KICS2: variants seen among roughly 807,000 people sequenced by gnomAD.
The protein encoded by KICS2 is KICSTOR complex protein C12orf66.
Under a neutral mutation model 31.4 loss-of-function variants are expected in KICS2, and 13 were observed. The ratio of observed to expected loss-of-function variants is 0.41; its 90% CI spans 0.27 to 0.66. The LOEUF (loss-of-function observed/expected upper bound fraction) is 0.66, where lower values mean the gene tolerates loss of function less well. KICS2 is among the 30% of genes least tolerant of loss of function. The pLI, the probability that KICS2 is intolerant of heterozygous loss-of-function variation, is 0.28. For synonymous variants in KICS2, 209 were observed against 214.8 expected, an observed-to-expected ratio of 0.97 and a Z score of 0.24; for missense variants, 455 against 545.4, an observed-to-expected ratio of 0.83 and a Z score of 1.65.
Position 64,194,257 on chromosome 12 carries a change from T to G in KICS2, c.923A>C (p.Tyr308Ser). The G allele has an allele frequency of 6.2e-7, 1 of 1,614,228 alleles. No homozygotes were observed. The highest frequency in any genetic ancestry group is 1.7e-5 in the Admixed American group (1 of 60,024). ...AATTAAGGACACATTGGCAGCATCA[T>G]ATTTTCTGATGAAGCTGGAAATCTT... is the stretch of plus-strand genomic sequence containing the variant. ...FGKISSFIRK[Y>S]DAANVSLIFD... The change falls in exon 3 of 3, where the codon TAT becomes TCT. Residue 308 changes from tyrosine (Y) to serine (S), a missense_variant. Coordinates refer to ENST00000398055, the MANE Select transcript of KICS2 (RefSeq NM_152440.5).
rs781428916 is a variant in KICS2, at chr12:64,215,698, G to C, written c.501C>G (p.Ile167Met). 6.2e-7 allele frequency: 1 copy of C among 1,612,970 alleles called. No homozygotes were observed. Among genetic ancestry groups the C allele is most frequent in the East Asian group, 2.2e-5 (1 of 44,868 alleles). The change falls in exon 2 of 3, where the codon ATC (isoleucine) becomes ATG (methionine). Residue 167 changes from isoleucine (I) to methionine (M), a missense_variant. Physicochemically the swap from Ile to Met is conservative, Grantham distance 10. Transcript: ENST00000398055. Reference protein sequence around the residue: ...AEELVGLLDAIMKKYSSRFHH... With the variant: ...AEELVGLLDAMMKKYSSRFHH... ...CTGACCTGGAGCTGTATTTTTTCATGATGGCATCCAAAAGGCCAACGAGCT... is the reference window on the plus strand; with the variant it reads ...CTGACCTGGAGCTGTATTTTTTCATCATGGCATCCAAAAGGCCAACGAGCT...
At chr12:64,220,394 A>T (rs10878122) in intron 1 of KICS2, among the ~76,000 whole-genome samples, 31,475 of 152,162 alleles carry the variant, frequency 0.21, 3,772 homozygotes, top group Admixed American at 0.27. Flanking sequence ...AAACTAGAGT[A>T]GCAGATTTTT....
Position 64,193,547 on chromosome 12 carries a change from C to A in KICS2, c.*295G>T. 4.5e-6 allele frequency: 5 copies of A among 1,112,720 alleles called. No homozygotes were observed. Among genetic ancestry groups the A allele is most frequent in the South Asian group, 3.8e-5 (1 of 26,420 alleles). 68.9% of individuals were successfully genotyped at this position (1,112,720 alleles called of 1,614,324 possible). A position where few individuals can be genotyped will look rare whatever the true frequency, so the allele number is the denominator to read the frequency against. On this transcript the variant is annotated 3_prime_UTR_variant, in exon 3 of 3. Transcript: ENST00000398055. ...GAAAAACATATGGGAAAAAAAAAAG[C>A]CCAATAAATATTCAATCTACAAGAA...
chr12:64,189,014 A>T (rs1430404890), downstream of KICS2, among the ~76,000 whole-genome samples: 1 of 152,090 alleles, frequency 6.6e-6, no homozygotes, highest in Admixed American at 6.5e-5. Flanking sequence ...TTAGCTGGGC[A>T]TGGTGGCACG....
chr12:64,215,648 G>T, intron 2 of KICS2, 30 bp downstream of exon 2: 1 of 1,582,918 alleles, frequency 6.3e-7, no homozygotes, highest in Non-Finnish European at 8.6e-7. Flanking sequence ...GGACAGCCAC[G>T]CTTTCTCCCT....
At chr12:64,221,835 T>C (rs2037686401) in intron 1 of KICS2, 168 bp downstream of exon 1, 2 of 770,178 alleles carry the variant, frequency 2.6e-6, no homozygotes, top group South Asian at 1.9e-5. Flanking sequence ...TGGGCGGGGC[T>C]TGTGGAAGCC....
At chr12:64,198,737 C>G (rs1067633) in intron 2 of KICS2, among the ~76,000 whole-genome samples, 82,114 of 84,200 alleles carry the variant, frequency 0.98, 40,117 homozygotes, top group Non-Finnish European at 1. Flanking sequence ...AGAGAAGAAT[C>G]AAATAGACAC....
chr12:64,207,378 G>A (rs2037549121), intron 2 of KICS2, among the ~76,000 whole-genome samples: 1 of 151,698 alleles, frequency 6.6e-6, no homozygotes, highest in Admixed American at 6.6e-5. Flanking sequence ...AAAAAAGCAG[G>A]GGGAAAGAGT....
chr12:64,211,454 A>G (rs2037581364), intron 2 of KICS2, among the ~76,000 whole-genome samples: 1 of 152,096 alleles, frequency 6.6e-6, no homozygotes, highest in Non-Finnish European at 1.5e-5. Flanking sequence ...CATTTCTACT[A>G]AAGATACAAA....
Position 64,193,535 on chromosome 12 carries a change from GA to G in KICS2, c.*306del, listed in dbSNP as rs376482275. ...TTTAGAACAACAGAAAAACATATGG[GA>G]AAAAAAAAAGCCCAATAAATATTCA... On this transcript the variant is annotated 3_prime_UTR_variant, in exon 3 of 3. Coordinates refer to ENST00000398055, the MANE Select transcript of KICS2 (RefSeq NM_152440.5). 3,724 of 1,023,232 alleles carry G rather than the reference GA, an allele frequency of 3.6e-3. 31 individuals are homozygous for G. The highest frequency in any genetic ancestry group is 0.029 in the African/African-American group (1,700 of 58,144). 63.4% of individuals were successfully genotyped at this position (1,023,232 alleles called of 1,614,324 possible). A position where few individuals can be genotyped will look rare whatever the true frequency, so the allele number is the denominator to read the frequency against.
rs1269433531 is a variant in KICS2 at position 64,192,983 on chromosome 12, C to T, written c.*859G>A. On this transcript the variant is annotated 3_prime_UTR_variant, in exon 3 of 3. Transcript: ENST00000398055. ...GAGTATCTAAAAGTGGCTGAAAAAC[C>T]GACTGCATGCTTTTAAGCCTAAAAA... is the stretch of plus-strand genomic sequence containing the variant. 4 of 985,236 alleles carry T rather than the reference C, an allele frequency of 4.1e-6. No homozygotes were observed. The highest frequency in any genetic ancestry group is 1.1e-4 in the East Asian group (1 of 8,820). 61.0% of individuals were successfully genotyped at this position (985,236 alleles called of 1,614,324 possible).
chr12:64,201,675 C>T (rs1592382398), intron 2 of KICS2, among the ~76,000 whole-genome samples: 1 of 150,120 alleles, frequency 6.7e-6, no homozygotes, highest in South Asian at 2.1e-4. Flanking sequence ...AAATCCCAAC[C>T]TTACTAAAAA....
downstream of KICS2, chr12:64,190,934 A>ACC (rs1485655540): frequency 6.6e-6 from 1 of 152,130 alleles, no homozygotes; most frequent in Non-Finnish European, 1.5e-5. Context: ...AAAGTTACAA[A>ACC]CCCTGTGTCC....
At chr12:64,201,686 T>C (rs1448758686) in intron 2 of KICS2, among the ~76,000 whole-genome samples, 2 of 132,614 alleles carry the variant, frequency 1.5e-5, no homozygotes, top group Non-Finnish European at 3.2e-5. Context: ...TTACTAAAAA[T>C]ACAAAAATTA....
At position 64,215,675 on chromosome 12, in the gene KICS2, G is replaced by T; in HGVS notation, c.521+3C>A. 2 of 1,611,454 alleles carry T rather than the reference G, an allele frequency of 1.2e-6. No individual in the cohort carries two copies. Among genetic ancestry groups the T allele is most frequent in the South Asian group, 2.2e-5 (2 of 90,754 alleles). ...TTTCTCCCTCCCTCCTCCCCACACT[G>T]ACCTGGAGCTGTATTTTTTCATGAT... On this transcript the variant is annotated splice_donor_region_variant and intron_variant, in intron 2 of 2. Coordinates refer to ENST00000398055, the MANE Select transcript of KICS2 (RefSeq NM_152440.5).
chr12:64,211,231 A>T (rs1344618586), intron 2 of KICS2, among the ~76,000 whole-genome samples: 2 of 152,240 alleles, frequency 1.3e-5, no homozygotes, highest in Admixed American at 1.3e-4. Context: ...AAGAAATAAA[A>T]GAATACTTCC....
chr12:64,216,436 G>T (rs1421813689), intron 1 of KICS2, among the ~76,000 whole-genome samples: 2 of 152,144 alleles, frequency 1.3e-5, no homozygotes, highest in East Asian at 1.9e-4. Context: ...TATTCCTGCT[G>T]TGTCATGATT....
At chr12:64,218,527 T>C (rs756296480) in intron 1 of KICS2, among the ~76,000 whole-genome samples, 6 of 152,212 alleles carry the variant, frequency 3.9e-5, no homozygotes, top group Non-Finnish European at 8.8e-5. Context: ...TTATAACTGA[T>C]ACATTTTTTA....
chr12:64,220,947 C>T (rs1362014924), intron 1 of KICS2, among the ~76,000 whole-genome samples: 1 of 152,018 alleles, frequency 6.6e-6, no homozygotes, highest in Non-Finnish European at 1.5e-5. Flanking sequence ...CCAGTTTTTG[C>T]TAATAAATTA....
Sources: allele counts gnomAD v4.1 joint callset (sites outside exome capture counted in the v4.1 genomes callset), GRCh38; gene constraint gnomAD v4.1.1; transcripts MANE v1.5; gene names NCBI Gene and HGNC (gene_info 2026-07-23, HGNC 2026-07-21).